Variants in CFAP95 observed in about 807,000 individuals in gnomAD.
CFAP95 encodes the protein cilia and flagella associated protein 95.
At chr9:69,820,980 C>T in the CFAP95 span, 1 of 1,613,884 alleles carries the variant, frequency 6.2e-7, no homozygotes, top group Non-Finnish European at 8.5e-7. Flanking sequence ...GGCTCCCTGA[C>T]CCTCCGCTCC....
chr9:69,858,551 C>T, the CFAP95 span, among the ~76,000 whole-genome samples: 1 of 152,132 alleles, frequency 6.6e-6, no homozygotes, highest in East Asian at 1.9e-4. Flanking sequence ...ATGTGTTAGA[C>T]AAGCTTGATT....
the CFAP95 span, chr9:69,844,467 A>G: frequency 6.6e-6 from 8 of 1,207,308 alleles, no homozygotes; most frequent in Non-Finnish European, 8.1e-6. Flanking sequence ...TGAATGCAAT[A>G]CAGAATAAAT....
At chr9:69,821,081 A>G in the CFAP95 span, 12,318 of 1,594,444 alleles carry the variant, frequency 7.7e-3, 779 homozygotes, top group African/African-American at 0.14. Flanking sequence ...GAGGAAAGAG[A>G]GGGGAAAGGA....
At chr9:69,882,291 A>T in the CFAP95 span, among the ~76,000 whole-genome samples, 168 of 152,164 alleles carry the variant, frequency 1.1e-3, 1 homozygote, top group African/African-American at 3.9e-3. Flanking sequence ...TGATTTTTGT[A>T]TGTTGATTTT....
At chr9:69,863,832 G>A in the CFAP95 span, among the ~76,000 whole-genome samples, 14 of 151,938 alleles carry the variant, frequency 9.2e-5, no homozygotes, top group African/African-American at 3.1e-4. Flanking sequence ...TACACATAGA[G>A]TTCCTTCTCT....
chr9:69,866,337 T>C, the CFAP95 span, among the ~76,000 whole-genome samples: 3 of 152,256 alleles, frequency 2.0e-5, no homozygotes, highest in East Asian at 5.8e-4. Flanking sequence ...AAGCCAGTGG[T>C]GCAATTCACT....
At chr9:69,868,923 C>T in the CFAP95 span, among the ~76,000 whole-genome samples, 3 of 151,850 alleles carry the variant, frequency 2.0e-5, no homozygotes, top group South Asian at 2.1e-4. Context: ...AATTACCAGG[C>T]AAATATAAAT....
the CFAP95 span, among the ~76,000 whole-genome samples, chr9:69,831,686 C>A: frequency 6.6e-6 from 1 of 152,094 alleles, no homozygotes; most frequent in Admixed American, 6.6e-5. Flanking sequence ...CCTGTTGGAC[C>A]AGGGGAGCTT....
At chr9:69,905,589 A>T in the CFAP95 span, among the ~76,000 whole-genome samples, 1 of 152,154 alleles carries the variant, frequency 6.6e-6, no homozygotes, top group Non-Finnish European at 1.5e-5. Flanking sequence ...CAATGGTTAT[A>T]ACATATTTTT....
chr9:69,861,964 G>A, the CFAP95 span, among the ~76,000 whole-genome samples: 1 of 152,102 alleles, frequency 6.6e-6, no homozygotes, highest in African/African-American at 2.4e-5. Flanking sequence ...CACTGTGGGT[G>A]CCCATAGCAC....
chr9:69,906,056 G>A, the CFAP95 span: 49 of 1,613,294 alleles, frequency 3.0e-5, no homozygotes, highest in Admixed American at 2.2e-4. Flanking sequence ...CACTTGGCAT[G>A]ATGAGAGTGG....
chr9:69,900,270 C>A, the CFAP95 span, among the ~76,000 whole-genome samples: 1 of 152,054 alleles, frequency 6.6e-6, no homozygotes, highest in Non-Finnish European at 1.5e-5. Context: ...CTCCTCATGA[C>A]TATTGTTTTA....
the CFAP95 span, among the ~76,000 whole-genome samples, chr9:69,872,371 G>T: frequency 1.3e-5 from 2 of 152,112 alleles, no homozygotes; most frequent in Non-Finnish European, 2.9e-5. Context: ...AATAACCAAA[G>T]AATTCAATTC....
the CFAP95 span, among the ~76,000 whole-genome samples, chr9:69,837,101 G>A: frequency 6.6e-6 from 1 of 151,316 alleles, no homozygotes; most frequent in East Asian, 1.9e-4. Context: ...TGGTGTATAT[G>A]TGCCACATTT....
chr9:69,874,663 C>T, the CFAP95 span, among the ~76,000 whole-genome samples: 5 of 152,142 alleles, frequency 3.3e-5, no homozygotes, highest in Non-Finnish European at 5.9e-5. Flanking sequence ...CTTCTTCCAC[C>T]GGCTGGAGGA....
the CFAP95 span, among the ~76,000 whole-genome samples, chr9:69,874,534 C>T: frequency 6.6e-6 from 1 of 152,132 alleles, no homozygotes. Context: ...ACTGGAGTGC[C>T]TCATGGAACT....
the CFAP95 span, among the ~76,000 whole-genome samples, chr9:69,880,644 A>T: frequency 6.6e-6 from 1 of 152,204 alleles, no homozygotes; most frequent in Non-Finnish European, 1.5e-5. Context: ...TTTCTTTGAT[A>T]TACTGATTTC....
At chr9:69,890,051 G>C in the CFAP95 span, among the ~76,000 whole-genome samples, 162 of 152,002 alleles carry the variant, frequency 1.1e-3, no homozygotes, top group African/African-American at 3.6e-3. Flanking sequence ...CAAGTGTGAT[G>C]GTTTATCATC....
At chr9:69,854,475 G>A in the CFAP95 span, among the ~76,000 whole-genome samples, 311 of 152,356 alleles carry the variant, frequency 2.0e-3, 1 homozygote, top group African/African-American at 6.7e-3. Flanking sequence ...GAGGCAGACT[G>A]CATGAGTCTT....
Sources: gnomAD v4.1 joint callset for allele counts (sites outside exome capture counted in the v4.1 genomes callset) on GRCh38, gnomAD v4.1.1 for gene constraint, MANE v1.5 for transcripts, NCBI Gene and HGNC (gene_info 2026-07-23, HGNC 2026-07-21) for gene names.